MTRES1: variants seen among roughly 807,000 people sequenced by gnomAD.
MTRES1 encodes mitochondrial transcription rescue factor 1.
A neutral mutation model predicts 17.4 loss-of-function variants in MTRES1; 11 were observed. The ratio of observed to expected loss-of-function variants is 0.63; its 90% CI spans 0.40 to 1.05. MTRES1 has a LOEUF of 1.05. MTRES1 is among the 50% of genes least tolerant of loss of function. MTRES1 has a pLI of 0.00. For missense variants in MTRES1, 268 were observed against 276.2 expected (o/e 0.97, Z 0.21); for synonymous variants, 94 against 99.6 (o/e 0.94, Z 0.34).
intron 2 of MTRES1, among the ~76,000 whole-genome samples, chr6:107,043,534 C>T (rs1774289838): frequency 1.3e-5 from 2 of 152,040 alleles, no homozygotes; most frequent in Admixed American, 6.6e-5. Flanking sequence ...GACCAAAGGC[C>T]TTACTGATAC....
intron 3 of MTRES1, among the ~76,000 whole-genome samples, chr6:107,048,780 AAAAAAAAAAAAAAAG>A (rs1475467020): frequency 5.1e-4 from 1 of 1,974 alleles, no homozygotes. Flanking sequence ...CTCCATGTCA[AAAAAAAAAAAAAAAG>A]AAAAAAAAAA....
intron 3 of MTRES1, among the ~76,000 whole-genome samples, chr6:107,049,231 C>A (rs1774503253): frequency 6.6e-6 from 1 of 152,000 alleles, no homozygotes; most frequent in Non-Finnish European, 1.5e-5. Context: ...TAAACAGAAG[C>A]CCTCTAGTAG....
chr6:107,044,003 G>A lies in MTRES1; in HGVS notation c.471-257G>A, dbSNP rs1019261912. On this transcript the variant is annotated intron_variant, in intron 2 of 3. Coordinates refer to ENST00000311381, the MANE Select transcript of MTRES1 (RefSeq NM_016487.5). ...TTAGGCATGTTGATGTGTGCCTGTA[G>A]TCCCAGCTACTGGGAGGCTGAGGCA... Among the ~76,000 whole-genome samples, 18 of 152,262 alleles carry A rather than the reference G, an allele frequency of 1.2e-4. No homozygotes were observed. The South Asian group carries it at 3.3e-3, about 28-fold the overall frequency.
At chr6:107,041,193 C>A (rs1476393302) in intron 2 of MTRES1, among the ~76,000 whole-genome samples, 5 of 149,066 alleles carry the variant, frequency 3.4e-5, no homozygotes, top group African/African-American at 9.9e-5. Context: ...CCATTGCACT[C>A]CAGCCTGGGC....
intron 1 of MTRES1, among the ~76,000 whole-genome samples, chr6:107,031,207 C>T (rs1773824302): frequency 6.6e-6 from 1 of 151,520 alleles, no homozygotes. Context: ...TGGTGAAACC[C>T]TGTGTCTACT....
intron 3 of MTRES1, among the ~76,000 whole-genome samples, chr6:107,047,053 C>T (rs1774419221): frequency 6.6e-6 from 1 of 151,840 alleles, no homozygotes; most frequent in Admixed American, 6.6e-5. Context: ...CCACCTGCCT[C>T]GGCCTCCCAA....
intron 2 of MTRES1, among the ~76,000 whole-genome samples, chr6:107,042,063 G>A (rs974872267): frequency 4.6e-5 from 7 of 151,790 alleles, no homozygotes; most frequent in Non-Finnish European, 7.4e-5. Context: ...AAAAAGGGCC[G>A]GGTGTGGTGG....
At chr6:107,047,378 G>A (rs1554228556) in intron 3 of MTRES1, among the ~76,000 whole-genome samples, 3 of 151,498 alleles carry the variant, frequency 2.0e-5, no homozygotes, top group Admixed American at 6.6e-5. Flanking sequence ...ACACCACCAC[G>A]TCTGGTTAAT....
At chr6:107,049,303 C>T (rs1774506142) in intron 3 of MTRES1, among the ~76,000 whole-genome samples, 1 of 152,118 alleles carries the variant, frequency 6.6e-6, no homozygotes, top group African/African-American at 2.4e-5. Flanking sequence ...CTTGCTCACC[C>T]CCTACTGGAA....
intron 1 of MTRES1, among the ~76,000 whole-genome samples, chr6:107,037,746 TCTCA>T (rs1399942808): frequency 1.3e-5 from 2 of 152,014 alleles, no homozygotes; most frequent in Non-Finnish European, 2.9e-5. Context: ...TGAGACAGAG[TCTCA>T]CTCTATCGCC....
chr6:107,044,470 G>A (rs1037423859), intron 3 of MTRES1, 138 bp downstream of exon 3: 2 of 675,916 alleles, frequency 3.0e-6, no homozygotes, highest in Admixed American at 2.5e-5. Context: ...CGTCAAGCTG[G>A]TGGGAATCAG....
intron 2 of MTRES1, chr6:107,040,993 A>G (rs148937502): frequency 0.055 from 8,285 of 149,734 alleles, 265 homozygotes; most frequent in Middle Eastern, 0.12. Flanking sequence ...TTGGGAGGCC[A>G]AGGCGGGCGG....
chr6:107,042,074 C>T (rs1401835257), intron 2 of MTRES1, among the ~76,000 whole-genome samples: 1 of 151,890 alleles, frequency 6.6e-6, no homozygotes, highest in Middle Eastern at 3.2e-3. Flanking sequence ...GGTGTGGTGG[C>T]TCACGCCTGT....
intron 3 of MTRES1, among the ~76,000 whole-genome samples, chr6:107,047,822 C>T (rs997291793): frequency 2.6e-5 from 4 of 152,008 alleles, no homozygotes; most frequent in Middle Eastern, 3.4e-3. Context: ...GGAGGTGGAG[C>T]TTGCAGTGAG....
intron 2 of MTRES1, chr6:107,041,050 C>G (rs563656154): frequency 5.3e-5 from 8 of 151,098 alleles, no homozygotes; most frequent in Admixed American, 4.0e-4. Flanking sequence ...CACGGTGAAA[C>G]TCCGTCTCTA....
intron 2 of MTRES1, among the ~76,000 whole-genome samples, chr6:107,041,525 T>C (rs1366422540): frequency 6.6e-6 from 1 of 152,166 alleles, no homozygotes; most frequent in Non-Finnish European, 1.5e-5. Context: ...TTTTTTGTTT[T>C]TTGTTTTTTG....
chr6:107,046,415 C>T (rs1774392095), intron 3 of MTRES1, among the ~76,000 whole-genome samples: 1 of 140,438 alleles, frequency 7.1e-6, no homozygotes, highest in South Asian at 2.3e-4. Context: ...TCTGTTGTCT[C>T]AGCTGCCTTC....
At chr6:107,046,944 G>T (rs200957250) in intron 3 of MTRES1, among the ~76,000 whole-genome samples, 3 of 27,834 alleles carry the variant, frequency 1.1e-4, no homozygotes, top group Non-Finnish European at 3.0e-4. Context: ...GTGTGTGTGT[G>T]TGTGTGTGTG....
chr6:107,049,408 CTTTTTTTTTTTTT>C (rs782057719), intron 3 of MTRES1, among the ~76,000 whole-genome samples: 1 of 99,364 alleles, frequency 1.0e-5, no homozygotes, highest in East Asian at 3.4e-4. Flanking sequence ...TATGGCCCTT[CTTTTTTTTTTTTT>C]TTTTTTTTTG....
Sources: allele counts gnomAD v4.1 joint callset (sites outside exome capture counted in the v4.1 genomes callset), GRCh38; gene constraint gnomAD v4.1.1; transcripts MANE v1.5; gene names NCBI Gene and HGNC (gene_info 2026-07-23, HGNC 2026-07-21).